The following CYTH3 variants were observed in gnomAD, a reference collection of about 807,000 sequenced individuals.
CYTH3 encodes cytohesin 3.
Under a neutral mutation model 55.1 loss-of-function variants are expected in CYTH3, and 23 were observed. The ratio of observed to expected loss-of-function variants is 0.42; its 90% CI spans 0.30 to 0.59. The LOEUF (loss-of-function observed/expected upper bound fraction) is 0.59, where lower values mean the gene tolerates loss of function less well. Among genes scored for constraint, CYTH3 ranks in the 20% least tolerant of loss-of-function variants. The pLI is 0.20. For synonymous variants in CYTH3, 249 were observed against 194.9 expected (o/e 1.28, Z -2.31); for missense variants, 413 against 524.8 (o/e 0.79, Z 2.08).
chr7:6,201,877 G>C (rs998587297), intron 1 of CYTH3, among the ~76,000 whole-genome samples: 1 of 151,884 alleles, frequency 6.6e-6, no homozygotes, highest in African/African-American at 2.4e-5. Flanking sequence ...AATTAAAACT[G>C]GAATGAGAAA....
rs555485655 is a variant in CYTH3, at chr7:6,245,120, T to C, written c.34+27354A>G. On this transcript the variant is annotated intron_variant, in intron 1 of 12. Coordinates refer to ENST00000350796, the MANE Select transcript of CYTH3 (RefSeq NM_004227.4). ...AGGCATGAGCCACCGCGCCCGGCCT[T>C]CTAGTCTTTTTACATAAAATGTTAC... Among the ~76,000 whole-genome samples, 11 of 151,484 alleles carry C rather than the reference T, an allele frequency of 7.3e-5. No individual in the cohort carries two copies. The East Asian group carries it at 1.7e-3, about 24-fold the overall frequency.
chr7:6,198,094 G>GAA (rs76022025), intron 1 of CYTH3, among the ~76,000 whole-genome samples: 22 of 48,692 alleles, frequency 4.5e-4, no homozygotes, highest in African/African-American at 8.9e-4. Context: ...ACACTCTTAA[G>GAA]AAAAAAAAAA....
intron 1 of CYTH3, among the ~76,000 whole-genome samples, chr7:6,245,359 C>G (rs11980829): frequency 0.049 from 7,403 of 152,078 alleles, 587 homozygotes; most frequent in African/African-American, 0.17. Context: ...AGAGGGCCCT[C>G]AGAATTAGAG....
intron 6 of CYTH3, 63 bp downstream of exon 6, chr7:6,173,590 G>A: frequency 1.9e-6 from 2 of 1,057,808 alleles, no homozygotes; most frequent in East Asian, 2.4e-5. Flanking sequence ...CGCCACTGCT[G>A]CCCAGGCAGT....
intron 1 of CYTH3, among the ~76,000 whole-genome samples, chr7:6,231,901 G>A (rs889415714): frequency 6.6e-6 from 1 of 152,176 alleles, no homozygotes; most frequent in South Asian, 2.1e-4. Context: ...AATCTTCACT[G>A]TCGGAACAGG....
intron 1 of CYTH3, among the ~76,000 whole-genome samples, chr7:6,205,904 A>G (rs897957452): frequency 2.1e-5 from 3 of 143,380 alleles, no homozygotes; most frequent in Non-Finnish European, 3.0e-5. Flanking sequence ...AAAAAAAAAA[A>G]GCTTATTTTA....
intron 9 of CYTH3, among the ~76,000 whole-genome samples, chr7:6,168,604 C>T (rs1355662868): frequency 6.6e-6 from 1 of 152,214 alleles, no homozygotes; most frequent in African/African-American, 2.4e-5. Flanking sequence ...CACACTGAGG[C>T]CACGCCAGCT....
At chr7:6,211,296 G>T (rs1784314078) in intron 1 of CYTH3, among the ~76,000 whole-genome samples, 1 of 152,224 alleles carries the variant, frequency 6.6e-6, no homozygotes, top group African/African-American at 2.4e-5. Context: ...ATCAGACATG[G>T]CTGTTGTATT....
chr7:6,173,216 G>A (rs1053255922), intron 6 of CYTH3: 20 of 269,228 alleles, frequency 7.4e-5, no homozygotes, highest in African/African-American at 3.9e-4. Flanking sequence ...GGCATCCAGG[G>A]AGTGTGTCCC....
At chr7:6,247,952 C>T (rs1386381333) in intron 1 of CYTH3, among the ~76,000 whole-genome samples, 1 of 152,040 alleles carries the variant, frequency 6.6e-6, no homozygotes, top group Non-Finnish European at 1.5e-5. Context: ...CAGGCATAAG[C>T]TTAGTGCCCA....
intron 1 of CYTH3, among the ~76,000 whole-genome samples, chr7:6,235,385 G>A (rs773684644): frequency 6.6e-6 from 1 of 151,108 alleles, no homozygotes; most frequent in Non-Finnish European, 1.5e-5. Flanking sequence ...GCTGAGGCAA[G>A]AGAATCGCTT....
Position 6,170,728 on chromosome 7 carries a change from C to A in CYTH3, c.712-82G>T, listed in dbSNP as rs770293324. The A allele has an allele frequency of 1.3e-6, 2 of 1,566,964 alleles. No individual in the cohort carries two copies. Among genetic ancestry groups the A allele is most frequent in the South Asian group, 1.2e-5 (1 of 85,800 alleles). The stretch of plus-strand genomic sequence containing the variant: ...GGCAGAAAGCTCAGCGGGACCAGGG[C>A]GGCAAGGAGGCTTGGGAGGCGTGTC... On this transcript the variant is annotated intron_variant, in intron 8 of 12. Coordinates refer to ENST00000350796, the MANE Select transcript of CYTH3 (RefSeq NM_004227.4). This position sits in a 1 kb window ranked among gnomAD's most constrained non-coding sequence, Gnocchi z 7.8.
chr7:6,272,118 C>A (rs1031097701), intron 1 of CYTH3, among the ~76,000 whole-genome samples: 2 of 152,202 alleles, frequency 1.3e-5, no homozygotes, highest in African/African-American at 4.8e-5. Flanking sequence ...AGGGCATGAA[C>A]GCCCTTGGCG....
chr7:6,224,856 C>A (rs924541121), intron 1 of CYTH3, among the ~76,000 whole-genome samples: 39 of 152,206 alleles, frequency 2.6e-4, no homozygotes, highest in African/African-American at 8.9e-4. Context: ...TTTCCTGACA[C>A]TGGGATATTC....
Position 6,164,870 on chromosome 7 carries a change from T to C in CYTH3, c.*74A>G. The C allele has an allele frequency of 3.2e-6, 5 of 1,548,666 alleles. No individual in the cohort carries two copies. The highest frequency in any genetic ancestry group is 4.5e-6 in the Non-Finnish European group (5 of 1,121,634). ...AGGGCGACTGCCTCCCTGCCACGCCTTCCGCGGAGGGGCCGCCCGCGGTGT... is the reference window on the plus strand; with the variant it reads ...AGGGCGACTGCCTCCCTGCCACGCCCTCCGCGGAGGGGCCGCCCGCGGTGT... On this transcript the variant is annotated 3_prime_UTR_variant, in exon 13 of 13. Transcript: ENST00000350796.
intron 1 of CYTH3, among the ~76,000 whole-genome samples, chr7:6,227,219 G>C (rs913805180): frequency 2.0e-5 from 3 of 151,418 alleles, no homozygotes; most frequent in African/African-American, 7.3e-5. Context: ...TACAAAAAAA[G>C]AAAGCAGATA....
chr7:6,187,312 A>T (rs542350173), intron 3 of CYTH3, among the ~76,000 whole-genome samples, 196 bp from the exon 4 acceptor site: 2 of 152,332 alleles, frequency 1.3e-5, no homozygotes, highest in African/African-American at 2.4e-5. Flanking sequence ...TGATAACTTG[A>T]GACACTTCAG....
At chr7:6,244,955 ATTTTTTTTTTTTTTTTTTTTTT>A (rs887701278) in intron 1 of CYTH3, among the ~76,000 whole-genome samples, 16 of 36,452 alleles carry the variant, frequency 4.4e-4, no homozygotes, top group Non-Finnish European at 6.0e-4. Context: ...CGCCCGGCTA[ATTTTTTTTTTTTTTTTTTTTTT>A]TTTTTTTTTT....
At chr7:6,173,318 C>A (rs539150155) in intron 6 of CYTH3, among the ~76,000 whole-genome samples, 2 of 152,288 alleles carry the variant, frequency 1.3e-5, no homozygotes, top group East Asian at 3.8e-4. Context: ...AAGGAAGTAA[C>A]CCCATGGAGC....
Sources: allele counts gnomAD v4.1 joint callset (sites outside exome capture counted in the v4.1 genomes callset), GRCh38; gene constraint gnomAD v4.1.1; non-coding constraint Gnocchi (gnomAD v3.1); transcripts MANE v1.5; gene names NCBI Gene and HGNC (gene_info 2026-07-23, HGNC 2026-07-21).